Variants in CINP observed in about 807,000 individuals in gnomAD.
CINP encodes the protein cyclin-dependent kinase 2-interacting protein.
CINP carries 11 observed loss-of-function variants against 20.5 expected under a neutral mutation model. The observed-to-expected ratio is 0.54, with a 90% CI of 0.34 to 0.89. The LOEUF (loss-of-function observed/expected upper bound fraction) is 0.89. Ranked by LOEUF, CINP falls within the 40% of genes least tolerant of loss-of-function variation. The probability of loss-of-function intolerance (pLI) is 0.02; values close to 1 mark genes in which losing one functional copy is unlikely to be tolerated. For missense variants in CINP, 213 were observed against 251.0 expected, an observed-to-expected ratio of 0.85 and a Z score of 1.02; for synonymous variants, 108 against 102.1, an observed-to-expected ratio of 1.06 and a Z score of -0.35.
chr14:102,362,610 A>T (rs559881375), intron 1 of CINP: 1 of 710,408 alleles, frequency 1.4e-6, no homozygotes, highest in East Asian at 2.7e-5. Context: ...TCATTTGCGT[A>T]TATCGTCCCG....
intron 1 of CINP, 99 bp downstream of exon 1, chr14:102,362,746 A>G (rs1232443148): frequency 4.0e-6 from 6 of 1,496,092 alleles, no homozygotes; most frequent in Non-Finnish European, 5.6e-6. Context: ...ATTTAACCTC[A>G]TGTAATCCGG....
chr14:102,356,236 G>C (rs1886995482), intron 2 of CINP, among the ~76,000 whole-genome samples: 1 of 152,052 alleles, frequency 6.6e-6, no homozygotes, highest in Non-Finnish European at 1.5e-5. Flanking sequence ...GCAACACAGT[G>C]AGACCTCATC....
Position 102,351,388 on chromosome 14 carries a change from C to T in CINP, c.307-1340G>A, listed in dbSNP as rs984261046. On this transcript the variant is annotated intron_variant, in intron 3 of 4. Coordinates refer to ENST00000216756, the MANE Select transcript of CINP (RefSeq NM_032630.3). The surrounding 1 kb of genome is among the most constrained non-coding windows in gnomAD (Gnocchi z 4.2). ...CAGAATAGGGGCAATGGCGGGCTTA[C>T]TTTCACAGCTTGGTGAAGAGGATTA... is the stretch of plus-strand genomic sequence containing the variant. 1.3e-5 allele frequency among the ~76,000 whole-genome samples: 2 copies of T among 152,164 alleles called. No individual in the cohort carries two copies. Among genetic ancestry groups the T allele is most frequent in the African/African-American group, 4.8e-5 (2 of 41,434 alleles).
At chr14:102,355,587 G>T in intron 3 of CINP, 181 bp downstream of exon 3, 1 of 608,732 alleles carries the variant, frequency 1.6e-6, no homozygotes, top group Non-Finnish European at 2.8e-6. Context: ...TGACGCACAG[G>T]AGGAGTGAGT....
intron 3 of CINP, 134 bp downstream of exon 3, chr14:102,355,634 G>A (rs1471159186): frequency 2.3e-5 from 22 of 969,638 alleles, no homozygotes; most frequent in Non-Finnish European, 3.0e-5. Context: ...TAAGGTTTAC[G>A]CAGCAGGCAG....
intron 3 of CINP, among the ~76,000 whole-genome samples, chr14:102,354,887 T>C (rs1886962740): frequency 6.6e-6 from 1 of 151,912 alleles, no homozygotes. Flanking sequence ...CTGGTCAACA[T>C]GGTGAAATGC....
At position 102,348,572 on chromosome 14, in the gene CINP, G is replaced by A. The variant is rs767370292; in HGVS notation, c.624C>T (p.Gly208=). The change falls in exon 5 of 5, where the codon GGC becomes GGT. Residue 208 remains glycine, a synonymous_variant. Transcript: ENST00000216756. ...TCTCAGGACGTCAGAGAGCTCGGTG[G>A]CCTGTCTCCAGCAGCATGCTCTCCA... is the stretch of plus-strand genomic sequence containing the variant. The part of the protein sequence containing the change: ...LHLESMLLET[G]HRAL 1 of 1,611,082 alleles carries A rather than the reference G, an allele frequency of 6.2e-7. No individual in the cohort carries two copies. Among genetic ancestry groups the A allele is most frequent in the South Asian group, 1.1e-5 (1 of 90,628 alleles).
chr14:102,356,281 T>C (rs1886996359), intron 2 of CINP, among the ~76,000 whole-genome samples: 1 of 152,050 alleles, frequency 6.6e-6, no homozygotes, highest in Non-Finnish European at 1.5e-5. Context: ...TAGCTGGGCA[T>C]GGTGGGACAC....
chr14:102,353,283 T>C (rs1029972776), intron 3 of CINP, among the ~76,000 whole-genome samples: 1 of 152,166 alleles, frequency 6.6e-6, no homozygotes, highest in Non-Finnish European at 1.5e-5. Context: ...AGTGACTTCC[T>C]GCCAAAGAGC....
Position 102,349,831 on chromosome 14 carries a change from A to G in CINP, c.436+88T>C, listed in dbSNP as rs1029550987. On this transcript the variant is annotated intron_variant, in intron 4 of 4. Transcript: ENST00000216756. Reference sequence around the variant, plus strand: ...TTGCATTGAATTTGAAAGCCTTGTCAGCTTCTTAAAGTACCAGATGTAAAC... The same window carrying G: ...TTGCATTGAATTTGAAAGCCTTGTCGGCTTCTTAAAGTACCAGATGTAAAC... 8.2e-6 allele frequency: 12 copies of G among 1,465,544 alleles called. No homozygotes were observed. In the African/African-American group the frequency reaches 1.6e-4, roughly 19 times the overall value. The allele number at this position is 1,465,544 out of a possible 1,614,324, so 90.8% of individuals were successfully genotyped here.
Position 102,354,247 on chromosome 14 carries a change from A to G in CINP, c.306+1521T>C, listed in dbSNP as rs78211252. ...TGGTAGGTATTGAAATTTAGTTATT[A>G]GTTCATTAAACAAACACTTTAGTCT... On this transcript the variant is annotated intron_variant, in intron 3 of 4. Transcript: ENST00000216756. Among the ~76,000 whole-genome samples the G allele has an allele frequency of 6.2e-3, 944 of 152,318 alleles. 10 individuals carry two copies. Among genetic ancestry groups the G allele is most frequent in the African/African-American group, 0.022 (904 of 41,562 alleles).
chr14:102,355,246 G>C (rs1439347958), intron 3 of CINP, among the ~76,000 whole-genome samples: 4 of 152,152 alleles, frequency 2.6e-5, no homozygotes, highest in African/African-American at 9.7e-5. Context: ...GCTGGGCGTG[G>C]TAGCTCATGC....
At position 102,359,543 on chromosome 14, in the gene CINP, C is replaced by G. The variant is rs777902898; in HGVS notation, c.52G>C (p.Val18Leu). ...TVTPRKPVLS[V>L]SARKIKDNAA... is the part of the protein sequence containing the mutation. ...TTGTCCTTAATTTTTCTTGCACTGA[C>G]AGATAAGACAGGTTTTCTGGGCGTT... Residue 18 changes from valine (V) to leucine (L), a missense_variant, in exon 2 of 5, where the codon GTC becomes CTC. By Grantham distance (32) the Val-to-Leu change is conservative. Coordinates refer to ENST00000216756, the MANE Select transcript of CINP (RefSeq NM_032630.3). 4 of 1,612,770 alleles carry G rather than the reference C, an allele frequency of 2.5e-6. No individual in the cohort carries two copies. The African/African-American group carries it at 5.3e-5, about 22-fold the overall frequency.
intron 3 of CINP, among the ~76,000 whole-genome samples, chr14:102,350,877 G>A (rs1886852984): frequency 6.7e-6 from 1 of 149,264 alleles, no homozygotes; most frequent in Non-Finnish European, 1.5e-5. Flanking sequence ...CCAGGCTGGA[G>A]TGCAGTGGCG....
At chr14:102,358,653 C>G (rs945175863) in intron 2 of CINP, among the ~76,000 whole-genome samples, 1 of 151,724 alleles carries the variant, frequency 6.6e-6, no homozygotes, top group Non-Finnish European at 1.5e-5. Context: ...TGCACTCCAG[C>G]CTGGGGGATA....
At chr14:102,358,801 T>A (rs1408390798) in intron 2 of CINP, among the ~76,000 whole-genome samples, 1 of 152,218 alleles carries the variant, frequency 6.6e-6, no homozygotes, top group African/African-American at 2.4e-5. Context: ...TTTTTCCATA[T>A]CAGCTAGGTA....
intron 3 of CINP, among the ~76,000 whole-genome samples, chr14:102,355,055 T>C (rs1003519225): frequency 1.4e-5 from 2 of 144,564 alleles, no homozygotes; most frequent in African/African-American, 5.2e-5. Context: ...GGTATCAGAA[T>C]GAGACTCCAT....
rs555644423 is a variant in CINP, at chr14:102,351,401, G to A, written c.307-1353C>T. Among the ~76,000 whole-genome samples, 9 of 152,298 alleles carry A rather than the reference G, an allele frequency of 5.9e-5. No individual in the cohort carries two copies. In the East Asian group the frequency reaches 1.7e-3, roughly 29 times the overall value. On this transcript the variant is annotated intron_variant, in intron 3 of 4. Coordinates refer to ENST00000216756, the MANE Select transcript of CINP (RefSeq NM_032630.3). The surrounding 1 kb of genome is among the most constrained non-coding windows in gnomAD (Gnocchi z 4.2). ...ATGGCGGGCTTACTTTCACAGCTTG[G>A]TGAAGAGGATTAAGTGAGTTAGTAT...
chr14:102,362,832 C>A lies in CINP; in HGVS notation c.7+13G>T. ...AGCCACCCCACCCCGGGAAAGGAAC[C>A]GATCTCACGCACCTTCCATAAGGTC... On this transcript the variant is annotated intron_variant, in intron 1 of 4. Transcript: ENST00000216756. 1 of 1,614,104 alleles carries A rather than the reference C, an allele frequency of 6.2e-7. No individual in the cohort carries two copies. Among genetic ancestry groups the A allele is most frequent in the Non-Finnish European group, 8.5e-7 (1 of 1,179,956 alleles).
Sources: gnomAD v4.1 joint callset for allele counts (sites outside exome capture counted in the v4.1 genomes callset) on GRCh38, gnomAD v4.1.1 for gene constraint, Gnocchi (gnomAD v3.1) non-coding constraint, MANE v1.5 for transcripts, NCBI Gene and HGNC (gene_info 2026-07-23, HGNC 2026-07-21) for gene names.